The following COL9A1 variants were observed in gnomAD, a reference collection of about 807,000 sequenced individuals.
COL9A1 encodes the protein collagen alpha-1(IX) chain.
In COL9A1, 104 loss-of-function variants were observed where a neutral mutation model predicts 142.6. That is an observed-to-expected ratio of 0.73 (90% CI 0.62 to 0.86). The LOEUF (loss-of-function observed/expected upper bound fraction) is 0.86. Among genes scored for constraint, COL9A1 ranks in the 40% least tolerant of loss-of-function variants. The probability of loss-of-function intolerance (pLI) is 0.00; values close to 1 mark genes in which losing one functional copy is unlikely to be tolerated. For missense variants in COL9A1, 1,210 were observed against 1,176.6 expected (o/e 1.03, Z -0.42); for synonymous variants, 466 against 396.0 (o/e 1.18, Z -2.10).
intron 10 of COL9A1, among the ~76,000 whole-genome samples, chr6:70,278,823 C>G (rs1281837899): frequency 1.3e-5 from 2 of 152,074 alleles, no homozygotes; most frequent in Admixed American, 1.3e-4. Context: ...TTTGTTTATC[C>G]AAAGTTTCTG....
rs1206820986 is a variant in COL9A1, at chr6:70,294,437, A to C, written c.426T>G (p.Val142=). 3.1e-6 allele frequency: 5 copies of C among 1,613,992 alleles called. No individual in the cohort carries two copies. Among genetic ancestry groups the C allele is most frequent in the Non-Finnish European group, 4.2e-6 (5 of 1,179,986 alleles). ...GTGTTTGGCCATTAATCTTTATGCC[A>C]ACTTGCTCCTTCCCAGAGGAATCCT... ...QIQDSSGKEQ[V]GIKINGQTQS... Residue 142 remains valine (V), a synonymous_variant, in exon 5 of 38, where the codon GTT becomes GTG. Coordinates refer to ENST00000357250, the MANE Select transcript of COL9A1 (RefSeq NM_001851.6).
chr6:70,221,567 C>T (rs1768882748), intron 37 of COL9A1, among the ~76,000 whole-genome samples: 1 of 152,144 alleles, frequency 6.6e-6, no homozygotes, highest in Non-Finnish European at 1.5e-5. Context: ...GTGGACTTTG[C>T]ACAAGAAAAC....
At chr6:70,260,590 T>C (rs768049594) in intron 20 of COL9A1, 67 bp downstream of exon 20, 109 of 1,456,286 alleles carry the variant, frequency 7.5e-5, no homozygotes, top group Non-Finnish European at 6.9e-5. Flanking sequence ...AAAAGTTATG[T>C]TTAAACGGCC....
chr6:70,294,331 A>T lies in COL9A1; in HGVS notation c.532T>A (p.Ser178Thr). The change falls in exon 5 of 38, where the codon TCC becomes ACC. Residue 178 changes from serine to threonine, a missense_variant. Physicochemically the swap from Ser to Thr is moderately conservative, Grantham distance 58. Coordinates refer to ENST00000357250, the MANE Select transcript of COL9A1 (RefSeq NM_001851.6). The stretch of plus-strand genomic sequence containing the variant: ...CCAATCATGATCTTATGCCACTGGG[A>T]ATCAAACAAGGAGGACAAATTCGAA... ...AFSNLSSLFD[S>T]QWHKIMIGVE... is the part of the protein sequence containing the mutation. 1.2e-6 allele frequency: 2 copies of T among 1,614,080 alleles called. No individual in the cohort carries two copies. Among genetic ancestry groups the T allele is most frequent in the Non-Finnish European group, 1.7e-6 (2 of 1,179,968 alleles).
chr6:70,226,943 C>T (rs967983327), intron 36 of COL9A1, among the ~76,000 whole-genome samples: 10 of 152,022 alleles, frequency 6.6e-5, no homozygotes, highest in African/African-American at 2.2e-4. Context: ...GATATTAAAT[C>T]AACTAAAATG....
intron 18 of COL9A1, among the ~76,000 whole-genome samples, chr6:70,263,787 A>T (rs1444328500): frequency 6.6e-6 from 1 of 151,938 alleles, no homozygotes; most frequent in African/African-American, 2.4e-5. Context: ...CACCATATAC[A>T]ATATTTTAAT....
intron 28 of COL9A1, among the ~76,000 whole-genome samples, chr6:70,250,370 T>C (rs1770866787): frequency 6.6e-6 from 1 of 152,204 alleles, no homozygotes; most frequent in Non-Finnish European, 1.5e-5. Flanking sequence ...ATCTTCATTG[T>C]TTTAGAAATG....
In COL9A1 at chr6:70,252,122, G is replaced by A. The variant is rs1562303329; in HGVS notation, c.1870C>T (p.Pro624Ser). Residue 624 changes from proline to serine, a missense_variant and splice_region_variant, in exon 28 of 38, where the codon CCT (proline) becomes TCT (serine). Physicochemically the swap from Pro to Ser is moderately conservative, Grantham distance 74 (BLOSUM62 -1). Transcript: ENST00000357250. ...EVGPRGPQGL[P>S]GSRGELGPVG... Reference sequence around the variant, plus strand: ...AAAGAACAGCAAGGAATACTCACAGGAAGCCCCTGGGGTCCTCGGGGTCCC... The same window carrying A: ...AAAGAACAGCAAGGAATACTCACAGAAAGCCCCTGGGGTCCTCGGGGTCCC... The A allele has an allele frequency of 6.2e-7, 1 of 1,614,092 alleles. No homozygotes were observed. The highest frequency in any genetic ancestry group is 8.5e-7 in the Non-Finnish European group (1 of 1,179,960).
intron 37 of COL9A1, among the ~76,000 whole-genome samples, chr6:70,219,811 C>G (rs747731798): frequency 4.6e-5 from 7 of 152,150 alleles, no homozygotes; most frequent in Admixed American, 1.3e-4. Flanking sequence ...TAAATGTTAG[C>G]AACTAATTCA....
chr6:70,292,536 A>C (rs1773697532), intron 5 of COL9A1, among the ~76,000 whole-genome samples: 1 of 152,206 alleles, frequency 6.6e-6, no homozygotes, highest in African/African-American at 2.4e-5. Flanking sequence ...CAGCTCTGAC[A>C]TTATTGGCAA....
chr6:70,253,760 G>T (rs1771098637), intron 25 of COL9A1, among the ~76,000 whole-genome samples: 1 of 152,156 alleles, frequency 6.6e-6, no homozygotes, highest in Non-Finnish European at 1.5e-5. Flanking sequence ...TACTAGGCAG[G>T]ACAGAGGCTA....
intron 36 of COL9A1, among the ~76,000 whole-genome samples, chr6:70,231,476 C>G (rs1340902196): frequency 6.6e-6 from 1 of 152,134 alleles, no homozygotes; most frequent in Admixed American, 6.5e-5. Flanking sequence ...TTGATTTTGT[C>G]TAGCCTCCCA....
intron 13 of COL9A1, 104 bp from the exon 14 acceptor site, chr6:70,271,812 G>C: frequency 8.1e-7 from 1 of 1,229,240 alleles, no homozygotes; most frequent in Admixed American, 2.0e-5. Flanking sequence ...TTCTGTATTA[G>C]CTTTGGTTTC....
At chr6:70,271,923 T>A in intron 13 of COL9A1, 142 bp downstream of exon 13, 2 of 942,600 alleles carry the variant, frequency 2.1e-6, no homozygotes, top group Admixed American at 4.2e-5. Flanking sequence ...AAGGGTGTTA[T>A]CCTTAGTAGC....
At chr6:70,288,212 C>T (rs777244110) in intron 5 of COL9A1, among the ~76,000 whole-genome samples, 1 of 152,158 alleles carries the variant, frequency 6.6e-6, no homozygotes, top group Non-Finnish European at 1.5e-5. Flanking sequence ...TCCAATTACT[C>T]GCGCCTAAAG....
chr6:70,242,206 G>C, intron 29 of COL9A1, 171 bp from the exon 30 acceptor site: 1 of 679,742 alleles, frequency 1.5e-6, no homozygotes, highest in South Asian at 1.6e-5. Context: ...AGAAGAGGGC[G>C]GGGCCAATGT....
At chr6:70,219,385 C>T (rs538871527) in intron 37 of COL9A1, among the ~76,000 whole-genome samples, 1 of 152,308 alleles carries the variant, frequency 6.6e-6, no homozygotes, top group Middle Eastern at 3.4e-3. Flanking sequence ...TATTAGAACA[C>T]GACCATGGTC....
intron 15 of COL9A1, 93 bp downstream of exon 15, chr6:70,270,221 C>T (rs1420806643): frequency 7.8e-7 from 1 of 1,280,468 alleles, no homozygotes; most frequent in Non-Finnish European, 1.1e-6. Context: ...GGGACAATGA[C>T]TCAATTAATA....
intron 5 of COL9A1, among the ~76,000 whole-genome samples, chr6:70,289,876 CTT>C: frequency 6.6e-6 from 1 of 152,138 alleles, no homozygotes; most frequent in East Asian, 1.9e-4. Context: ...ATTCATGAAA[CTT>C]ATATTGTTTT....
Sources: gnomAD v4.1 joint callset for allele counts (sites outside exome capture counted in the v4.1 genomes callset) on GRCh38, gnomAD v4.1.1 for gene constraint, MANE v1.5 for transcripts, NCBI Gene and HGNC (gene_info 2026-07-23, HGNC 2026-07-21) for gene names.